MYO19: variants seen among roughly 807,000 people sequenced by gnomAD.
MYO19 encodes the protein unconventional myosin-XIX.
In MYO19, 132 loss-of-function variants were observed where a neutral mutation model predicts 129.2. The observed-to-expected ratio is 1.02, with a 90% CI of 0.89 to 1.18. MYO19 has a LOEUF of 1.18. Among genes scored for constraint, MYO19 ranks in the 50% most tolerant of loss-of-function variants. The pLI, the probability that MYO19 is intolerant of heterozygous loss-of-function variation, is 0.00. For missense variants in MYO19, 1,210 were observed against 1,216.7 expected (o/e 0.99, Z 0.08); for synonymous variants, 531 against 477.2 (o/e 1.11, Z -1.47).
chr17:36,525,875 T>A (rs992577291), intron 5 of MYO19, among the ~76,000 whole-genome samples: 3 of 152,210 alleles, frequency 2.0e-5, no homozygotes, highest in African/African-American at 7.2e-5. Flanking sequence ...TCAAGCTGGA[T>A]GCTGAGGAAA....
chr17:36,497,458 CCT>C, intron 25 of MYO19: 1 of 847,848 alleles, frequency 1.2e-6, no homozygotes, highest in Non-Finnish European at 1.4e-6. Context: ...GTAACAAACT[CCT>C]CACAACCCAA....
In MYO19 at chr17:36,498,336, C is replaced by T. The variant is rs747341790; in HGVS notation, c.2687G>A (p.Ser896Asn). The change falls in exon 25 of 26, where the codon AGC (serine) becomes AAC (asparagine). Residue 896 changes from serine (S) to asparagine (N), a missense_variant. Ser to Asn is a conservative substitution (Grantham distance 46). Transcript: ENST00000614623. Reference protein sequence around the residue: ...VWACLQLPRGSPSSYTVQTAQ... With the variant: ...VWACLQLPRGNPSSYTVQTAQ... ...TGTCTGGACAGTGTAGCTACTGGGG[C>T]TGCCCCTGGGGAGCTGGAGGCAAGC... 30 of 1,613,912 alleles carry T rather than the reference C, an allele frequency of 1.9e-5. No homozygotes were observed. The highest frequency in any genetic ancestry group is 2.5e-5 in the Non-Finnish European group (30 of 1,179,910).
chr17:36,511,514 G>A (rs2072324754), intron 11 of MYO19, 59 bp from the exon 12 acceptor site: 3 of 1,451,190 alleles, frequency 2.1e-6, no homozygotes, highest in Non-Finnish European at 2.8e-6. Flanking sequence ...GCCTACTCTG[G>A]GAAGGGCCGT....
At chr17:36,517,835 T>C (rs915863393) in intron 6 of MYO19, among the ~76,000 whole-genome samples, 8 of 151,954 alleles carry the variant, frequency 5.3e-5, no homozygotes, top group Non-Finnish European at 1.0e-4. Context: ...ACGCCTGTAA[T>C]CCCAGCACTT....
intron 6 of MYO19, among the ~76,000 whole-genome samples, chr17:36,517,916 C>T (rs2072863848): frequency 6.6e-6 from 1 of 151,400 alleles, no homozygotes; most frequent in Non-Finnish European, 1.5e-5. Context: ...ATGGTGAAAC[C>T]CTGTCTCTAC....
intron 11 of MYO19, chr17:36,512,552 T>A (rs2072432324): frequency 8.6e-7 from 1 of 1,161,270 alleles, no homozygotes. Flanking sequence ...AGAAGGGCTG[T>A]GGCAGAGGGT....
intron 14 of MYO19, chr17:36,508,188 T>A (rs2072055293): frequency 6.3e-6 from 2 of 315,152 alleles, no homozygotes; most frequent in East Asian, 5.2e-5. Context: ...GCCCAGAGCA[T>A]CAGGCCCATT....
At chr17:36,534,176 G>A (rs1172069212) in intron 1 of MYO19, 72 bp from the exon 2 acceptor site, 1 of 152,544 alleles carries the variant, frequency 6.6e-6, no homozygotes, top group African/African-American at 2.4e-5. Flanking sequence ...CTGATCACCA[G>A]TCCCTCCTTC....
rs540109855 is a variant in MYO19, at chr17:36,506,394, A to G, written c.1797+62T>C. ...CAGCACCGATCCCGGCAGGTGCTCA[A>G]TAAATATTTGTGAGACCGTGGAGTT... On this transcript the variant is annotated intron_variant, in intron 18 of 25. Transcript: ENST00000614623. 3.3e-5 allele frequency: 53 copies of G among 1,604,712 alleles called. No homozygotes were observed. In the East Asian group the frequency reaches 1.1e-3, roughly 35 times the overall value.
chr17:36,529,986 C>T (rs1335223872), intron 3 of MYO19, among the ~76,000 whole-genome samples: 1 of 152,154 alleles, frequency 6.6e-6, no homozygotes, highest in Admixed American at 6.5e-5. Context: ...AAGTTCGAGG[C>T]TGCAATGAGT....
Position 36,525,227 on chromosome 17 carries a change from C to G in MYO19, c.414+1G>C. 6.2e-7 allele frequency: 1 copy of G among 1,610,030 alleles called. No individual in the cohort carries two copies. The highest frequency in any genetic ancestry group is 8.5e-7 in the Non-Finnish European group (1 of 1,176,452). ...ACAGGATGGGAAAGACGTCTTCCTACCTTTCCAGCACCACTCTCTCCACTG... is the reference window on the plus strand; with the variant it reads ...ACAGGATGGGAAAGACGTCTTCCTAGCTTTCCAGCACCACTCTCTCCACTG... On this transcript the variant is annotated splice_donor_variant, in intron 6 of 25. Transcript: ENST00000614623. LOFTEE classifies it high-confidence loss of function.
chr17:36,525,208 T>A lies in MYO19; in HGVS notation c.414+20A>T. The A allele has an allele frequency of 6.3e-7, 1 of 1,576,444 alleles. No homozygotes were observed. The highest frequency in any genetic ancestry group is 1.1e-5 in the South Asian group (1 of 90,104). ...CCCAGCCAGTCGTGAGTTGACAGGA[T>A]GGGAAAGACGTCTTCCTACCTTTCC... On this transcript the variant is annotated intron_variant, in intron 6 of 25. Coordinates refer to ENST00000614623, the MANE Select transcript of MYO19 (RefSeq NM_001163735.2).
Position 36,532,631 on chromosome 17 carries a change from T to TC in MYO19, c.-94dup, listed in dbSNP as rs1476168959. ...ATGGGACCATGGGCTGGGGTATGGT[T>TC]CCAACAAAGGGCTCAGTTCTGGAGG... On this transcript the variant is annotated 5_prime_UTR_variant, in exon 3 of 26. Coordinates refer to ENST00000614623, the MANE Select transcript of MYO19 (RefSeq NM_001163735.2). The TC allele has an allele frequency of 7.0e-7, 1 of 1,435,970 alleles. No homozygotes were observed. The highest frequency in any genetic ancestry group is 9.6e-7 in the Non-Finnish European group (1 of 1,042,612). 89.0% of individuals were successfully genotyped at this position (1,435,970 alleles called of 1,614,324 possible).
At chr17:36,499,243 G>T in intron 23 of MYO19, 83 bp from the exon 24 acceptor site, 2 of 933,616 alleles carry the variant, frequency 2.1e-6, no homozygotes, top group Non-Finnish European at 3.3e-6. Context: ...CAGCACCACA[G>T]TTGCTGTCAA....
At chr17:36,512,541 C>A (rs2072430868) in intron 11 of MYO19, 1 of 1,118,724 alleles carries the variant, frequency 8.9e-7, no homozygotes, top group Non-Finnish European at 1.1e-6. Context: ...GCCCACCAGG[C>A]AGAAGGGCTG....
intron 6 of MYO19, among the ~76,000 whole-genome samples, chr17:36,519,028 G>A (rs921330952): frequency 6.6e-6 from 1 of 152,092 alleles, no homozygotes; most frequent in African/African-American, 2.4e-5. Flanking sequence ...TGAGTAAACT[G>A]GGACTACAGG....
chr17:36,530,525 C>T (rs551697379), intron 3 of MYO19, among the ~76,000 whole-genome samples: 16 of 145,090 alleles, frequency 1.1e-4, no homozygotes, highest in African/African-American at 3.3e-4. Context: ...GGCGCGATCT[C>T]GACTCACTGC....
At chr17:36,511,564 A>G (rs2072330357) in intron 11 of MYO19, 109 bp from the exon 12 acceptor site, 1 of 958,462 alleles carries the variant, frequency 1.0e-6, no homozygotes. Context: ...GGCAGCTCCC[A>G]ATCATGGCCC....
intron 7 of MYO19, 34 bp from the exon 8 acceptor site, chr17:36,515,216 T>C (rs2072660906): frequency 6.3e-7 from 1 of 1,597,106 alleles, no homozygotes. Context: ...TTCACTCCCC[T>C]GGGTTTGCAG....
Sources: gnomAD v4.1 joint callset for allele counts (sites outside exome capture counted in the v4.1 genomes callset) on GRCh38, gnomAD v4.1.1 for gene constraint, MANE v1.5 for transcripts, NCBI Gene and HGNC (gene_info 2026-07-23, HGNC 2026-07-21) for gene names.